IGF2BP2: variants seen among roughly 807,000 people sequenced by gnomAD.
IGF2BP2 encodes insulin like growth factor 2 mRNA binding protein 2, also known as insulin-like growth factor 2 mRNA-binding protein 2.
In IGF2BP2, 17 loss-of-function variants were observed where a neutral mutation model predicts 75.8. The ratio of observed to expected loss-of-function variants is 0.22; its 90% CI spans 0.15 to 0.34. The LOEUF (loss-of-function observed/expected upper bound fraction) is 0.34. Ranked by LOEUF, IGF2BP2 falls within the 10% of genes least tolerant of loss-of-function variation. The probability of loss-of-function intolerance (pLI) is 1.00; values close to 1 mark genes in which losing one functional copy is unlikely to be tolerated. For missense variants in IGF2BP2, 516 were observed against 772.4 expected, an observed-to-expected ratio of 0.67 and a Z score of 3.93; for synonymous variants, 288 against 295.6, an observed-to-expected ratio of 0.97 and a Z score of 0.26.
intron 7 of IGF2BP2, among the ~76,000 whole-genome samples, chr3:185,682,632 T>C (rs775932513): frequency 2.0e-5 from 3 of 152,172 alleles, no homozygotes; most frequent in Non-Finnish European, 4.4e-5. Flanking sequence ...AGGATTTGAA[T>C]AGACATTTCT....
At position 185,643,334 on chromosome 3, in the gene IGF2BP2, C is replaced by G. The variant is rs1032779494; in HGVS notation, c.*2197G>C. ...CTTTGCCTGGCCAGGCTTGCAGTTC[C>G]TTAAGGATAGACTGGTCTTCTCTAG... On this transcript the variant is annotated 3_prime_UTR_variant, in exon 16 of 16. Transcript: ENST00000382199. 6.6e-6 allele frequency among the ~76,000 whole-genome samples: 1 copy of G among 152,200 alleles called. No individual in the cohort carries two copies. Among genetic ancestry groups the G allele is most frequent in the African/African-American group, 2.4e-5 (1 of 41,444 alleles).
In IGF2BP2 at chr3:185,810,284, C is replaced by G. The variant is rs371972113; in HGVS notation, c.239+12869G>C. ...CAACTCGAAGTTTCCTTTCGTTTAGCCTTAATGATTATTTTCTGCACCCAG... is the reference window on the plus strand; with the variant it reads ...CAACTCGAAGTTTCCTTTCGTTTAGGCTTAATGATTATTTTCTGCACCCAG... On this transcript the variant is annotated intron_variant, in intron 2 of 15. Coordinates refer to ENST00000382199, the MANE Select transcript of IGF2BP2 (RefSeq NM_006548.6). 1.7e-4 allele frequency among the ~76,000 whole-genome samples: 26 copies of G among 152,238 alleles called. No homozygotes were observed. In the East Asian group the frequency reaches 4.4e-3, roughly 26 times the overall value.
chr3:185,718,830 G>A (rs563516273), intron 2 of IGF2BP2, among the ~76,000 whole-genome samples: 24 of 152,016 alleles, frequency 1.6e-4, no homozygotes, highest in African/African-American at 2.2e-4. Context: ...TGAACACAGC[G>A]CAGAAGTGAC....
chr3:185,644,432 G>T lies in IGF2BP2; in HGVS notation c.*1099C>A, dbSNP rs1475731191. On this transcript the variant is annotated 3_prime_UTR_variant, in exon 16 of 16. Coordinates refer to ENST00000382199, the MANE Select transcript of IGF2BP2 (RefSeq NM_006548.6). ...GAATTTTTTCTTTGTTTGGTTGATT[G>T]GTTGGTTTGGTGGGTTCCTGTTTTC... The T allele has an allele frequency of 2.0e-5, 3 of 152,444 alleles. No homozygotes were observed. Among genetic ancestry groups the T allele is most frequent in the African/African-American group, 7.3e-5 (3 of 41,378 alleles). The allele number at this position is 152,444 out of a possible 1,614,324, so 9.4% of individuals were successfully genotyped here.
chr3:185,764,156 ATAAG>A (rs144804108), intron 2 of IGF2BP2, among the ~76,000 whole-genome samples: 6,485 of 152,176 alleles, frequency 0.043, 171 homozygotes, highest in East Asian at 0.12. Context: ...TGTCTATTAT[ATAAG>A]TAATTGGAAA....
chr3:185,707,948 T>G (rs1724281134), intron 2 of IGF2BP2, among the ~76,000 whole-genome samples: 1 of 152,222 alleles, frequency 6.6e-6, no homozygotes, highest in Non-Finnish European at 1.5e-5. Context: ...TTTCTCAATT[T>G]ATTTTATTTG....
At chr3:185,729,997 C>T (rs973879903) in intron 2 of IGF2BP2, among the ~76,000 whole-genome samples, 1 of 152,110 alleles carries the variant, frequency 6.6e-6, no homozygotes, top group Admixed American at 6.6e-5. Flanking sequence ...GTTTTCATGT[C>T]TCCAGGGGTA....
chr3:185,667,854 G>A (rs1369289260), intron 10 of IGF2BP2, among the ~76,000 whole-genome samples: 3 of 152,090 alleles, frequency 2.0e-5, no homozygotes, highest in African/African-American at 7.2e-5. Context: ...CAAGTCTATT[G>A]GTATCATTTG....
chr3:185,675,921 A>G lies in IGF2BP2; in HGVS notation c.813-8T>C, dbSNP rs1336743993. The G allele has an allele frequency of 6.2e-7, 1 of 1,613,642 alleles. No homozygotes were observed. The highest frequency in any genetic ancestry group is 1.7e-5 in the Admixed American group (1 of 59,934). ...AGAGGAATCTCTTCGGCTCTAAAAG[A>G]GACAAGCAGCAAGTTAACACTTCAG... On this transcript the variant is annotated splice_polypyrimidine_tract_variant and splice_region_variant and intron_variant, in intron 7 of 15. Coordinates refer to ENST00000382199, the MANE Select transcript of IGF2BP2 (RefSeq NM_006548.6).
intron 2 of IGF2BP2, among the ~76,000 whole-genome samples, chr3:185,816,269 T>G (rs527890843): frequency 8.5e-5 from 13 of 152,184 alleles, no homozygotes; most frequent in African/African-American, 3.1e-4. Flanking sequence ...AAAAGCAACA[T>G]AACAACAACA....
Position 185,689,428 on chromosome 3 carries a change from T to C in IGF2BP2, c.604A>G (p.Thr202Ala), listed in dbSNP as rs1330577398. Residue 202 changes from threonine to alanine, a missense_variant, in exon 6 of 16, where the codon ACC becomes GCC. Thr to Ala is a moderately conservative substitution (Grantham distance 58, BLOSUM62 0). Around this residue, in one of 3 missense-constraint regions of IGF2BP2, gnomAD observed 312 missense variants for 474.5 expected, o/e 0.66. Coordinates refer to ENST00000382199, the MANE Select transcript of IGF2BP2 (RefSeq NM_006548.6). ...IDFPLRILVPTQFVGAIIGKE... is the reference protein window; with the variant it reads ...IDFPLRILVPAQFVGAIIGKE... ...CCGATGATGGCACCAACAAACTGGG[T>C]GGGGACCAGGATCCGCAGCGGGAAA... The C allele has an allele frequency of 5.6e-6, 9 of 1,613,904 alleles. 1 individual carries two copies. Among genetic ancestry groups the C allele is most frequent in the Non-Finnish European group, 7.6e-6 (9 of 1,179,968 alleles).
rs1010251035 is a variant in IGF2BP2, at chr3:185,804,483, C to T, written c.239+18670G>A. 1.6e-4 allele frequency among the ~76,000 whole-genome samples: 25 copies of T among 151,870 alleles called. 1 individual carries two copies. The highest frequency in any genetic ancestry group is 5.8e-4 in the African/African-American group (24 of 41,456). ...AGATTTCAGAAGTATTGATATATAA[C>T]TGATAAGCTGAATATAAGTCATTTT... is the stretch of plus-strand genomic sequence containing the variant. On this transcript the variant is annotated intron_variant, in intron 2 of 15. Coordinates refer to ENST00000382199, the MANE Select transcript of IGF2BP2 (RefSeq NM_006548.6).
intron 12 of IGF2BP2, among the ~76,000 whole-genome samples, chr3:185,652,650 AATTGAGTT>A (rs1467069425): frequency 2.0e-5 from 3 of 152,152 alleles, no homozygotes; most frequent in Non-Finnish European, 2.9e-5. Flanking sequence ...TGGAAGTGAC[AATTGAGTT>A]AGAGTATGTG....
At chr3:185,655,142 AT>A (rs1363741154) in intron 12 of IGF2BP2, among the ~76,000 whole-genome samples, 2 of 152,052 alleles carry the variant, frequency 1.3e-5, no homozygotes, top group Non-Finnish European at 2.9e-5. Context: ...TTTTACTTTT[AT>A]TTTTTTGAGA....
rs552977333 is a variant in IGF2BP2, at chr3:185,658,281, GCCAAGTGGGCCTAGCC to G, written c.1269+44_1269+59del. On this transcript the variant is annotated intron_variant, in intron 11 of 15. Coordinates refer to ENST00000382199, the MANE Select transcript of IGF2BP2 (RefSeq NM_006548.6). Reference sequence around the variant, plus strand: ...TGTGAACATTCACTGGCCACCAAGGGCCAAGTGGGCCTAGCCCCAGGAGAAGTGGCAGGTGCGGCTG... The same window carrying G: ...TGTGAACATTCACTGGCCACCAAGGGCCAGGAGAAGTGGCAGGTGCGGCTG... 307 of 1,489,004 alleles carry G rather than the reference GCCAAGTGGGCCTAGCC, an allele frequency of 2.1e-4. No individual in the cohort carries two copies. In the African/African-American group the frequency reaches 3.5e-3, roughly 17 times the overall value. 92.2% of individuals were successfully genotyped at this position (1,489,004 alleles called of 1,614,324 possible). A position where few individuals can be genotyped will look rare whatever the true frequency, so the allele number is the denominator to read the frequency against.
chr3:185,821,322 C>T (rs993952718), intron 2 of IGF2BP2, among the ~76,000 whole-genome samples: 1 of 152,102 alleles, frequency 6.6e-6, no homozygotes, highest in African/African-American at 2.4e-5. Flanking sequence ...TTTCACATCG[C>T]CCACATGTTC....
rs1236225624 is a variant in IGF2BP2, at chr3:185,772,128, A to ACC, written c.239+51024_239+51025insGG. On this transcript the variant is annotated intron_variant, in intron 2 of 15. Transcript: ENST00000382199. ...GGTTTCTTTTCTGCTTGTCCACACT[A>ACC]AATTGTTTGCTCTACAAGGGCAAGG... 1.1e-4 allele frequency among the ~76,000 whole-genome samples: 17 copies of ACC among 152,210 alleles called. No individual in the cohort carries two copies. The South Asian group carries it at 3.3e-3, about 30-fold the overall frequency.
At chr3:185,720,986 C>T (rs1726441174) in intron 2 of IGF2BP2, among the ~76,000 whole-genome samples, 1 of 152,148 alleles carries the variant, frequency 6.6e-6, no homozygotes, top group African/African-American at 2.4e-5. Flanking sequence ...ATCTGGATGC[C>T]TACAAGTTGT....
intron 7 of IGF2BP2, among the ~76,000 whole-genome samples, chr3:185,685,570 C>T (rs150016132): frequency 6.6e-6 from 1 of 152,144 alleles, no homozygotes; most frequent in Non-Finnish European, 1.5e-5. Flanking sequence ...TCATGTTTGA[C>T]ATTATTTGAT....
Sources: allele counts gnomAD v4.1 joint callset (sites outside exome capture counted in the v4.1 genomes callset), GRCh38; gene constraint gnomAD v4.1.1; regional missense constraint gnomAD v4.1.1; transcripts MANE v1.5; gene names NCBI Gene and HGNC (gene_info 2026-07-23, HGNC 2026-07-21).